PIEZO2: variants seen among roughly 807,000 people sequenced by gnomAD.
PIEZO2 encodes the protein piezo type mechanosensitive ion channel component 2.
Under a neutral mutation model 337.3 loss-of-function variants are expected in PIEZO2, and 172 were observed. The observed-to-expected ratio is 0.51, with a 90% confidence interval of 0.45 to 0.58. PIEZO2 has a LOEUF of 0.58. Ranked by LOEUF, PIEZO2 falls within the 20% of genes least tolerant of loss-of-function variation. The pLI is 0.00. For synonymous variants in PIEZO2, 1,251 were observed against 1,228.5 expected, an observed-to-expected ratio of 1.02 and a Z score of -0.38; for missense variants, 3,028 against 3,391.3, an observed-to-expected ratio of 0.89 and a Z score of 2.66.
At position 11,021,714 on chromosome 18, in the gene PIEZO2, T is replaced by C. The variant is rs77428187; in HGVS notation, c.161-42054A>G. On this transcript the variant is annotated intron_variant, in intron 2 of 55. Transcript: ENST00000674853. The surrounding 1 kb of genome is among the most constrained non-coding windows in gnomAD (Gnocchi z 4.7). ...GAGAAAACCACGTCCCTCCCACCCA[T>C]GCCTTCACAAGTTCATTCTATTCAA... Among the ~76,000 whole-genome samples the C allele has an allele frequency of 0.021, 3,222 of 152,276 alleles. 113 individuals are homozygous for C. The highest frequency in any genetic ancestry group is 0.073 in the African/African-American group (3,036 of 41,550).
Position 11,143,414 on chromosome 18 carries a change from A to C in PIEZO2, c.64+5111T>G, listed in dbSNP as rs968943677. Reference sequence around the variant, plus strand: ...AATGACATGTTAGAAATAAAATCACATTAAATAAAGACTACAAAAATGGTG... The same window carrying C: ...AATGACATGTTAGAAATAAAATCACCTTAAATAAAGACTACAAAAATGGTG... On this transcript the variant is annotated intron_variant, in intron 1 of 55. Transcript: ENST00000674853. The surrounding 1 kb of genome is among the most constrained non-coding windows in gnomAD (Gnocchi z 4.9). Among the ~76,000 whole-genome samples the C allele has an allele frequency of 6.6e-6, 1 of 152,252 alleles. No individual in the cohort carries two copies. Among genetic ancestry groups the C allele is most frequent in the African/African-American group, 2.4e-5 (1 of 41,478 alleles).
intron 3 of PIEZO2, among the ~76,000 whole-genome samples, chr18:10,918,920 T>C (rs1048685079): frequency 3.3e-5 from 5 of 152,032 alleles, no homozygotes; most frequent in Admixed American, 6.6e-5. Flanking sequence ...ACCTATATCT[T>C]TGAACATTCA....
At chr18:10,918,768 CTCAATG>C (rs1171841172) in intron 3 of PIEZO2, among the ~76,000 whole-genome samples, 1 of 152,006 alleles carries the variant, frequency 6.6e-6, no homozygotes, top group South Asian at 2.1e-4. Context: ...ATATAATTAA[CTCAATG>C]TCTATAAATA....
chr18:10,869,274 T>C (rs988264616), intron 5 of PIEZO2, among the ~76,000 whole-genome samples: 4 of 152,174 alleles, frequency 2.6e-5, no homozygotes, highest in African/African-American at 9.7e-5. Context: ...ATGTCTGACT[T>C]CTAAGTCCAC....
At position 10,748,351 on chromosome 18, in the gene PIEZO2, TG is replaced by T; in HGVS notation, c.4424+119del. 1.0e-6 allele frequency: 1 copy of T among 985,586 alleles called. No individual in the cohort carries two copies. Among genetic ancestry groups the T allele is most frequent in the Non-Finnish European group, 1.5e-6 (1 of 680,806 alleles). The allele number at this position is 985,586 out of a possible 1,614,324, so 61.1% of individuals were successfully genotyped here. A position where few individuals can be genotyped will look rare whatever the true frequency, so the allele number is the denominator to read the frequency against. On this transcript the variant is annotated intron_variant, in intron 30 of 55. Coordinates refer to ENST00000674853, the MANE Select transcript of PIEZO2 (RefSeq NM_001378183.1). This position sits in a 1 kb window ranked among gnomAD's most constrained non-coding sequence, Gnocchi z 5.1. ...TAAATTCTTCTTGGATTGGTTTTGC[TG>T]GAAGGGATTTCTTAACTTCTTGTGG...
chr18:11,067,702 T>C (rs1460987016), intron 1 of PIEZO2, among the ~76,000 whole-genome samples: 1 of 152,196 alleles, frequency 6.6e-6, no homozygotes, highest in Non-Finnish European at 1.5e-5. Flanking sequence ...GATTGGAACA[T>C]CTACATATAT....
chr18:10,705,190 T>C (rs2035524442), intron 41 of PIEZO2, 146 bp downstream of exon 41: 2 of 1,096,130 alleles, frequency 1.8e-6, no homozygotes, highest in Non-Finnish European at 2.5e-6. Context: ...GTACTTGCAG[T>C]GCAAGAAGTC....
At chr18:11,134,641 G>A (rs779272882) in intron 1 of PIEZO2, among the ~76,000 whole-genome samples, 13 of 152,150 alleles carry the variant, frequency 8.5e-5, no homozygotes, top group Non-Finnish European at 1.8e-4. Flanking sequence ...GGTCAGATAA[G>A]TTTGGAAAAC....
chr18:10,863,057 A>C lies in PIEZO2; in HGVS notation c.493-5846T>G, dbSNP rs1280775316. ...AAAACATTTCTATAGAAGTGTATCA[A>C]AGTCATGTATAATGAGCCAAAAGAT... On this transcript the variant is annotated intron_variant, in intron 5 of 55. Coordinates refer to ENST00000674853, the MANE Select transcript of PIEZO2 (RefSeq NM_001378183.1). This position sits in a 1 kb window ranked among gnomAD's most constrained non-coding sequence, Gnocchi z 4.3. 6.6e-6 allele frequency among the ~76,000 whole-genome samples: 1 copy of C among 152,216 alleles called. No individual in the cohort carries two copies. Among genetic ancestry groups the C allele is most frequent in the Non-Finnish European group, 1.5e-5 (1 of 68,042 alleles).
chr18:10,996,093 A>C (rs940321476), intron 2 of PIEZO2, among the ~76,000 whole-genome samples: 1 of 152,230 alleles, frequency 6.6e-6, no homozygotes. Context: ...ACTCAGCTTA[A>C]TAAAATTGAA....
At chr18:11,084,433 G>A (rs1202347373) in intron 1 of PIEZO2, among the ~76,000 whole-genome samples, 1 of 152,080 alleles carries the variant, frequency 6.6e-6, no homozygotes. Context: ...TTCAGGGAAG[G>A]AAGAAACAGG....
rs7243837 is a variant in PIEZO2 at position 10,727,806 on chromosome 18, T to A, written c.5029+3601A>T. ...GCCTAGGAGCAGCTGCAGTTGTCCC[T>A]GAGGGACAGGCCCTAGAGTTTGGTG... On this transcript the variant is annotated intron_variant, in intron 36 of 55. Coordinates refer to ENST00000674853, the MANE Select transcript of PIEZO2 (RefSeq NM_001378183.1). This position sits in a 1 kb window ranked among gnomAD's most constrained non-coding sequence, Gnocchi z 6.3. 0.46 allele frequency: 69,820 copies of A among 152,112 alleles called. 16,679 individuals carry two copies. The highest frequency in any genetic ancestry group is 0.55 in the South Asian group (2,631 of 4,824). 9.4% of individuals were successfully genotyped at this position (152,112 alleles called of 1,614,324 possible).
intron 23 of PIEZO2, among the ~76,000 whole-genome samples, chr18:10,761,450 A>C (rs1410559548): frequency 6.6e-6 from 1 of 152,196 alleles, no homozygotes; most frequent in Admixed American, 6.5e-5. Flanking sequence ...CCAGAAGTGC[A>C]AAAACAGTAC....
chr18:10,936,550 C>A (rs747137654), intron 3 of PIEZO2, among the ~76,000 whole-genome samples: 1 of 152,098 alleles, frequency 6.6e-6, no homozygotes, highest in African/African-American at 2.4e-5. Context: ...TTTATTTTTG[C>A]TGATGTGCTA....
At chr18:10,858,475 C>G (rs2041787832) in intron 5 of PIEZO2, among the ~76,000 whole-genome samples, 1 of 152,028 alleles carries the variant, frequency 6.6e-6, no homozygotes, top group Non-Finnish European at 1.5e-5. Flanking sequence ...TTTAGTCTCA[C>G]AAAGCTAAGA....
rs1248880279 is a variant in PIEZO2 at position 11,016,694 on chromosome 18, G to A, written c.161-37034C>T. 1.3e-5 allele frequency among the ~76,000 whole-genome samples: 2 copies of A among 152,150 alleles called. No homozygotes were observed. Among genetic ancestry groups the A allele is most frequent in the Non-Finnish European group, 2.9e-5 (2 of 68,040 alleles). ...AGGTACATGGTGTTGAAGAAATCAT[G>A]TTTCATGATGAAAAACTCCATCAAA... On this transcript the variant is annotated intron_variant, in intron 2 of 55. Transcript: ENST00000674853. The surrounding 1 kb of genome is among the most constrained non-coding windows in gnomAD (Gnocchi z 5.6).
chr18:11,035,317 CT>C lies in PIEZO2; in HGVS notation c.160+30809del, dbSNP rs1555697634. ...CCTGGCACCTTCTCTCTCTCTCCCTCTCTCTCTCTCTCTCTCTTTCTCTCTC... is the reference window on the plus strand; with the variant it reads ...CCTGGCACCTTCTCTCTCTCTCCCTCCTCTCTCTCTCTCTCTTTCTCTCTC... On this transcript the variant is annotated intron_variant, in intron 2 of 55. Transcript: ENST00000674853. This position sits in a 1 kb window ranked among gnomAD's most constrained non-coding sequence, Gnocchi z 4.3. Among the ~76,000 whole-genome samples, 2 of 50,800 alleles carry C rather than the reference CT, an allele frequency of 3.9e-5. No homozygotes were observed. Among genetic ancestry groups the C allele is most frequent in the African/African-American group, 1.5e-4 (1 of 6,772 alleles). The allele number at this position is 50,800 out of a possible 152,430, so 33.3% of individuals were successfully genotyped here. A position where few individuals can be genotyped will look rare whatever the true frequency, so the allele number is the denominator to read the frequency against.
At chr18:11,076,554 G>GT (rs34189070) in intron 1 of PIEZO2, among the ~76,000 whole-genome samples, 34,457 of 149,928 alleles carry the variant, frequency 0.23, 4,344 homozygotes, top group East Asian at 0.5. Context: ...ATCTTAGTTT[G>GT]TTTTTTTTTG....
Position 10,696,408 on chromosome 18 carries a change from C to A in PIEZO2, c.6959G>T (p.Gly2320Val). ...CCAACCTACCCCAAAGGCCCAAAAGCCGAAGACAATGATGATGAAGTCCAC... is the reference window on the plus strand; with the variant it reads ...CCAACCTACCCCAAAGGCCCAAAAGACGAAGACAATGATGATGAAGTCCAC... ...DTVDFIIIVFGFWAFGKHSAA... is the reference protein window; with the variant it reads ...DTVDFIIIVFVFWAFGKHSAA... Residue 2320 changes from glycine to valine, a missense_variant, in exon 46 of 56, where the codon GGC becomes GTC. Around this residue, in one of 5 missense-constraint regions of PIEZO2, gnomAD observed 1,925 missense variants for 2,051.9 expected, o/e 0.94. Coordinates refer to ENST00000674853, the MANE Select transcript of PIEZO2 (RefSeq NM_001378183.1). 2 of 1,614,194 alleles carry A rather than the reference C, an allele frequency of 1.2e-6. No individual in the cohort carries two copies. The highest frequency in any genetic ancestry group is 4.5e-5 in the East Asian group (2 of 44,882).
Sources: gnomAD v4.1 joint callset for allele counts (sites outside exome capture counted in the v4.1 genomes callset) on GRCh38, gnomAD v4.1.1 for gene constraint, gnomAD v4.1.1 regional missense constraint, Gnocchi (gnomAD v3.1) non-coding constraint, MANE v1.5 for transcripts, NCBI Gene and HGNC (gene_info 2026-07-23, HGNC 2026-07-21) for gene names.